The following POU2F2 variants were observed in gnomAD, a reference collection of about 807,000 sequenced individuals.
POU2F2 encodes POU class 2 homeobox 2.
Under a neutral mutation model 63.5 loss-of-function variants are expected in POU2F2, and 14 were observed. That is an observed-to-expected ratio of 0.22 (90% CI 0.15 to 0.34). The LOEUF (loss-of-function observed/expected upper bound fraction) is 0.34. Ranked by LOEUF, POU2F2 falls within the 10% of genes least tolerant of loss-of-function variation. The pLI is 1.00. For synonymous variants in POU2F2, 306 were observed against 348.6 expected, an observed-to-expected ratio of 0.88 and a Z score of 1.36; for missense variants, 607 against 815.2, an observed-to-expected ratio of 0.74 and a Z score of 3.11.
chr19:42,122,006 G>A (rs2146622639), intron 4 of POU2F2, 120 bp downstream of exon 4: 1 of 1,069,822 alleles, frequency 9.3e-7, no homozygotes, highest in Non-Finnish European at 1.4e-6. Flanking sequence ...GGGGCGGGAG[G>A]AACCTCGTTA....
At chr19:42,183,276 T>A in intron 1 of POU2F2, among the ~76,000 whole-genome samples, 1 of 152,094 alleles carries the variant, frequency 6.6e-6, no homozygotes, top group East Asian at 1.9e-4. Flanking sequence ...GAACAATAAA[T>A]ACACAGTTAC....
chr19:42,166,157 C>T (rs74947804), intron 1 of POU2F2, among the ~76,000 whole-genome samples: 19,733 of 152,200 alleles, frequency 0.13, 1,447 homozygotes, highest in Middle Eastern at 0.2. Flanking sequence ...AAGGATCGAG[C>T]ACAGGAGCAC....
intron 5 of POU2F2, among the ~76,000 whole-genome samples, chr19:42,106,903 G>A (rs1004300474): frequency 2.0e-5 from 3 of 152,026 alleles, no homozygotes; most frequent in Non-Finnish European, 4.4e-5. Flanking sequence ...GTGCATGCCT[G>A]TGGTCCCAGC....
At chr19:42,173,967 C>G (rs2034821202) in intron 1 of POU2F2, among the ~76,000 whole-genome samples, 1 of 152,190 alleles carries the variant, frequency 6.6e-6, no homozygotes. Flanking sequence ...GCCTGTCACC[C>G]CCTGACATGG....
chr19:42,117,480 G>C lies in POU2F2; in HGVS notation c.187-48C>G. The C allele has an allele frequency of 1.3e-6, 1 of 775,652 alleles. No homozygotes were observed. The allele number at this position is 775,652 out of a possible 1,614,324, so 48.0% of individuals were successfully genotyped here. A position where few individuals can be genotyped will look rare whatever the true frequency, so the allele number is the denominator to read the frequency against. On this transcript the variant is annotated intron_variant, in intron 4 of 14. Transcript: ENST00000692977. This position sits in a 1 kb window ranked among gnomAD's most constrained non-coding sequence, Gnocchi z 4.4. ...GTGTGTGGCAATGGCAATCAGGCTG[G>C]CACAGGAGGAGCAGACTGGGGTGTG...
chr19:42,141,465 TAATTA>T, intron 2 of POU2F2, among the ~76,000 whole-genome samples: 1 of 150,706 alleles, frequency 6.6e-6, no homozygotes, highest in Non-Finnish European at 1.5e-5. Flanking sequence ...GACAGGAACT[TAATTA>T]ATCTTTTTTT....
intron 1 of POU2F2, chr19:42,123,340 C>A (rs968342175): frequency 2.6e-5 from 4 of 152,182 alleles, no homozygotes; most frequent in Non-Finnish European, 5.9e-5. Context: ...TTCTATAGCT[C>A]CCTAGGCCCA....
chr19:42,139,152 C>G (rs2034077812), intron 2 of POU2F2, among the ~76,000 whole-genome samples: 1 of 152,112 alleles, frequency 6.6e-6, no homozygotes, highest in South Asian at 2.1e-4. Context: ...AACCCCATCT[C>G]TACTGAAAAA....
intron 11 of POU2F2, among the ~76,000 whole-genome samples, chr19:42,094,991 T>C (rs1248786222): frequency 1.3e-5 from 2 of 152,226 alleles, no homozygotes; most frequent in Non-Finnish European, 2.9e-5. Context: ...CTGTGTGTTC[T>C]AACCTGGACC....
At chr19:42,141,302 A>G (rs1166158909) in intron 2 of POU2F2, among the ~76,000 whole-genome samples, 2 of 152,158 alleles carry the variant, frequency 1.3e-5, no homozygotes, top group Admixed American at 6.5e-5. Context: ...TTAACCATCT[A>G]TACAGGTGAA....
chr19:42,130,134 C>T (rs1315856550), intron 1 of POU2F2, among the ~76,000 whole-genome samples: 1 of 152,146 alleles, frequency 6.6e-6, no homozygotes, highest in East Asian at 1.9e-4. Context: ...CAAACTCACA[C>T]ACCCGGAGTC....
chr19:42,134,116 G>A (rs1212935897), upstream of POU2F2, among the ~76,000 whole-genome samples: 1 of 151,442 alleles, frequency 6.6e-6, no homozygotes, highest in Admixed American at 6.6e-5. Flanking sequence ...GGTAGCAGTG[G>A]ACACTGGAGC....
At chr19:42,121,225 C>G (rs1048315701) in intron 4 of POU2F2, among the ~76,000 whole-genome samples, 18 of 152,156 alleles carry the variant, frequency 1.2e-4, no homozygotes, top group African/African-American at 4.3e-4. Flanking sequence ...TCAAGGAGGT[C>G]AAGATCGAGA....
upstream of POU2F2, among the ~76,000 whole-genome samples, chr19:42,136,261 T>C (rs181023292): frequency 1.3e-5 from 2 of 149,734 alleles, no homozygotes; most frequent in African/African-American, 4.9e-5. Context: ...CTTGGCTCAC[T>C]GCAAACTCTG....
chr19:42,146,046 A>G (rs199517192), intron 2 of POU2F2, among the ~76,000 whole-genome samples: 123 of 150,682 alleles, frequency 8.2e-4, no homozygotes, highest in Middle Eastern at 3.5e-3. Context: ...AAAAAAAAAA[A>G]AAAAAAGAAA....
chr19:42,125,541 C>T (rs764358297), intron 1 of POU2F2, among the ~76,000 whole-genome samples: 1 of 152,148 alleles, frequency 6.6e-6, no homozygotes, highest in Admixed American at 6.5e-5. Flanking sequence ...GACTTTGGAG[C>T]AGTAAAGGCG....
intron 2 of POU2F2, among the ~76,000 whole-genome samples, chr19:42,154,781 C>T (rs1037571023): frequency 2.6e-5 from 4 of 152,096 alleles, no homozygotes; most frequent in African/African-American, 9.7e-5. Flanking sequence ...CACACACACA[C>T]ACCTTTCTCC....
At chr19:42,172,320 G>T (rs567259653) in intron 1 of POU2F2, among the ~76,000 whole-genome samples, 1 of 152,192 alleles carries the variant, frequency 6.6e-6, no homozygotes, top group African/African-American at 2.4e-5. Context: ...CTAGGCCTTT[G>T]TTGGCCCATG....
chr19:42,174,761 C>T (rs2034840847), intron 1 of POU2F2, among the ~76,000 whole-genome samples: 1 of 151,914 alleles, frequency 6.6e-6, no homozygotes, highest in Admixed American at 6.6e-5. Flanking sequence ...TGACTCTGTA[C>T]CCACCAGCCC....
Sources: gnomAD v4.1 joint callset for allele counts (sites outside exome capture counted in the v4.1 genomes callset) on GRCh38, gnomAD v4.1.1 for gene constraint, Gnocchi (gnomAD v3.1) non-coding constraint, MANE v1.5 for transcripts, NCBI Gene and HGNC (gene_info 2026-07-23, HGNC 2026-07-21) for gene names.